CLPTM1L: variants seen among roughly 807,000 people sequenced by gnomAD.
CLPTM1L encodes lipid scramblase CLPTM1L.
Under a neutral mutation model 70.9 loss-of-function variants are expected in CLPTM1L, and 38 were observed. The ratio of observed to expected loss-of-function variants is 0.54; its 90% CI spans 0.41 to 0.70. The LOEUF is 0.70. CLPTM1L is among the 30% of genes least tolerant of loss of function. The probability of loss-of-function intolerance (pLI) is 0.00; values close to 1 mark genes in which losing one functional copy is unlikely to be tolerated. For missense variants in CLPTM1L, 652 were observed against 705.9 expected (o/e 0.92, Z 0.87); for synonymous variants, 339 against 299.9 (o/e 1.13, Z -1.35).
At chr5:1,341,888 A>G in intron 2 of CLPTM1L, 28 bp from the exon 3 acceptor site, 1 of 1,556,612 alleles carries the variant, frequency 6.4e-7, no homozygotes, top group Non-Finnish European at 8.8e-7. Flanking sequence ...TTTCCACTAC[A>G]TACATATTAT....
At chr5:1,321,517 G>A in intron 15 of CLPTM1L, 118 bp downstream of exon 15, 1 of 874,530 alleles carries the variant, frequency 1.1e-6, no homozygotes, top group South Asian at 1.4e-5. Flanking sequence ...TTCAATGAAA[G>A]GGACAGGTGC....
Position 1,318,118 on chromosome 5 carries a change from G to A in CLPTM1L, c.*251C>T, listed in dbSNP as rs1022239513. On this transcript the variant is annotated 3_prime_UTR_variant, in exon 17 of 17. Coordinates refer to ENST00000320895, the MANE Select transcript of CLPTM1L (RefSeq NM_030782.5). This position sits in a 1 kb window ranked among gnomAD's most constrained non-coding sequence, Gnocchi z 8.9. ...GCCGAACCCCGGACACTCGTGTGCCGGGAGCCACCACAGCTCAAGGTGACC... is the reference window on the plus strand; with the variant it reads ...GCCGAACCCCGGACACTCGTGTGCCAGGAGCCACCACAGCTCAAGGTGACC... 21 of 509,942 alleles carry A rather than the reference G, an allele frequency of 4.1e-5. No homozygotes were observed. Among genetic ancestry groups the A allele is most frequent in the Non-Finnish European group, 4.5e-5 (13 of 290,042 alleles). The allele number at this position is 509,942 out of a possible 1,614,324, so 31.6% of individuals were successfully genotyped here.
At position 1,342,039 on chromosome 5, in the gene CLPTM1L, T is replaced by TGTGTGCGCGC. The variant is rs3222913; in HGVS notation, c.264-180_264-179insGCGCGCACAC. ...GTGTGTGTGTGTGTGTGTGTGTGTG[T>TGTGTGCGCGC]GCACGCGCACGCGTGCGCGTCCTGA... On this transcript the variant is annotated intron_variant, in intron 2 of 16. Coordinates refer to ENST00000320895, the MANE Select transcript of CLPTM1L (RefSeq NM_030782.5). The surrounding 1 kb of genome is among the most constrained non-coding windows in gnomAD (Gnocchi z 4.3). 8.4e-3 allele frequency among the ~76,000 whole-genome samples: 1,252 copies of TGTGTGCGCGC among 149,072 alleles called. 26 individuals are homozygous for TGTGTGCGCGC. The highest frequency in any genetic ancestry group is 0.03 in the African/African-American group (1,183 of 39,766).
intron 10 of CLPTM1L, 107 bp from the exon 11 acceptor site, chr5:1,324,920 C>T: frequency 9.6e-6 from 10 of 1,046,750 alleles, no homozygotes; most frequent in Non-Finnish European, 1.3e-5. Context: ...TGACCCAGGC[C>T]TCACTACAGA....
At chr5:1,326,388 A>T in intron 9 of CLPTM1L, 1 of 242,796 alleles carries the variant, frequency 4.1e-6, no homozygotes, top group Non-Finnish European at 7.8e-6. Flanking sequence ...GACACATTTC[A>T]TCCAGCTCCT....
chr5:1,323,276 G>A (rs1402195594), intron 12 of CLPTM1L, among the ~76,000 whole-genome samples: 8 of 130,996 alleles, frequency 6.1e-5, no homozygotes, highest in Non-Finnish European at 1.3e-4. Flanking sequence ...CCCCACCTGG[G>A]CAGCAGAGGC....
chr5:1,328,849 A>G (rs1191614987), intron 9 of CLPTM1L, among the ~76,000 whole-genome samples: 24 of 148,944 alleles, frequency 1.6e-4, no homozygotes, highest in South Asian at 1.1e-3. Flanking sequence ...TCCTCTACAG[A>G]CACATTTCAT....
intron 7 of CLPTM1L, among the ~76,000 whole-genome samples, chr5:1,332,692 TGA>T (rs1217448045): frequency 3.3e-5 from 5 of 152,258 alleles, no homozygotes; most frequent in African/African-American, 7.2e-5. Context: ...ACAGATATTC[TGA>T]GAGTGAGACC....
At chr5:1,326,254 C>T (rs1752531350) in intron 9 of CLPTM1L, 1 of 252,156 alleles carries the variant, frequency 4.0e-6, no homozygotes, top group Non-Finnish European at 7.6e-6. Flanking sequence ...GGCACTGTGA[C>T]TCGTACCTAT....
At chr5:1,330,164 C>A in intron 9 of CLPTM1L, 116 bp downstream of exon 9, 2 of 826,448 alleles carry the variant, frequency 2.4e-6, no homozygotes, top group South Asian at 1.6e-5. Context: ...CTGAGGCCAT[C>A]GGGAACAAGC....
intron 15 of CLPTM1L, 51 bp from the exon 16 acceptor site, chr5:1,320,782 CCTA>C (rs1752106420): frequency 1.8e-6 from 2 of 1,137,306 alleles, no homozygotes; most frequent in Middle Eastern, 2.2e-4. Flanking sequence ...GGGCTGGAAT[CCTA>C]CTGTTTTTGG....
Position 1,318,160 on chromosome 5 carries a change from G to T in CLPTM1L, c.*209C>A. On this transcript the variant is annotated 3_prime_UTR_variant, in exon 17 of 17. Coordinates refer to ENST00000320895, the MANE Select transcript of CLPTM1L (RefSeq NM_030782.5). The surrounding 1 kb of genome is among the most constrained non-coding windows in gnomAD (Gnocchi z 8.9). ...AAGGTGACCGGCAGCACCCAGCTCT[G>T]TGACCAAGACAGATGTTCACACGTG... The T allele has an allele frequency of 1.8e-6, 1 of 562,910 alleles. No individual in the cohort carries two copies. The highest frequency in any genetic ancestry group is 3.0e-5 in the East Asian group (1 of 33,696). The allele number at this position is 562,910 out of a possible 1,614,324, so 34.9% of individuals were successfully genotyped here.
At chr5:1,324,709 T>G (rs575892537) in intron 11 of CLPTM1L, 54 bp downstream of exon 11, 106 of 1,497,934 alleles carry the variant, frequency 7.1e-5, no homozygotes, top group Non-Finnish European at 9.4e-5. Context: ...GACCCGTCTT[T>G]GAGGGTGTTG....
At chr5:1,325,855 G>A (rs749950861) in intron 9 of CLPTM1L, 39 bp from the exon 10 acceptor site, 20 of 1,581,092 alleles carry the variant, frequency 1.3e-5, no homozygotes, top group Admixed American at 1.7e-5. Context: ...TTTAATATTC[G>A]AAGGCCAGGA....
At chr5:1,334,811 G>C (rs911481970) in intron 6 of CLPTM1L, among the ~76,000 whole-genome samples, 3 of 152,144 alleles carry the variant, frequency 2.0e-5, no homozygotes, top group Non-Finnish European at 2.9e-5. Flanking sequence ...CAACAGTTAA[G>C]GTTCATTTGA....
intron 16 of CLPTM1L, among the ~76,000 whole-genome samples, chr5:1,319,164 C>T (rs1426236817): frequency 1.3e-5 from 2 of 152,162 alleles, no homozygotes; most frequent in African/African-American, 2.4e-5. Flanking sequence ...GGCGCAGCAG[C>T]GTCCGGGGCT....
At chr5:1,323,627 G>A (rs1406728405) in intron 12 of CLPTM1L, among the ~76,000 whole-genome samples, 160 bp downstream of exon 12, 1 of 152,210 alleles carries the variant, frequency 6.6e-6, no homozygotes, top group East Asian at 1.9e-4. Flanking sequence ...GAGGCCCAGA[G>A]CCCACCGTGT....
In CLPTM1L at chr5:1,334,322, G is replaced by C; in HGVS notation, c.858C>G (p.Phe286Leu). ...CTGCGACAAAGAAGGTCAGCGCCAG[G>C]AAGTATAAGTTGGTATCTACAAAAA... ...KGIFVDTNLY[F>L]LALTFFVAAF... Residue 286 changes from phenylalanine to leucine, a missense_variant, in exon 7 of 17, where the codon TTC becomes TTG. Transcript: ENST00000320895. The C allele has an allele frequency of 6.2e-7, 1 of 1,613,806 alleles. No homozygotes were observed. Among genetic ancestry groups the C allele is most frequent in the Non-Finnish European group, 8.5e-7 (1 of 1,179,818 alleles).
At chr5:1,336,092 C>T (rs983322371) in intron 5 of CLPTM1L, among the ~76,000 whole-genome samples, 1 of 152,240 alleles carries the variant, frequency 6.6e-6, no homozygotes, top group Non-Finnish European at 1.5e-5. Flanking sequence ...GAGCGGCTGT[C>T]AGGGCGCCCC....
Sources: gnomAD v4.1 joint callset for allele counts (sites outside exome capture counted in the v4.1 genomes callset) on GRCh38, gnomAD v4.1.1 for gene constraint, Gnocchi (gnomAD v3.1) non-coding constraint, MANE v1.5 for transcripts, NCBI Gene and HGNC (gene_info 2026-07-23, HGNC 2026-07-21) for gene names.